Variants in UBE2E2 observed in about 807,000 individuals in gnomAD.
UBE2E2 encodes the protein ubiquitin conjugating enzyme E2 E2.
In UBE2E2, 6 loss-of-function variants were observed where a neutral mutation model predicts 24.7. That is an observed-to-expected ratio of 0.24 (90% CI 0.13 to 0.48). The LOEUF is 0.48. Ranked by LOEUF, UBE2E2 falls within the 20% of genes least tolerant of loss-of-function variation. The pLI is 0.99. For synonymous variants in UBE2E2, 104 were observed against 83.6 expected, an observed-to-expected ratio of 1.24 and a Z score of -1.33; for missense variants, 169 against 245.0, an observed-to-expected ratio of 0.69 and a Z score of 2.07.
rs1485662271 is a variant in UBE2E2, at chr3:23,590,339, C to G, written c.*508C>G. The G allele has an allele frequency of 2.0e-5, 3 of 153,518 alleles. No individual in the cohort carries two copies. The highest frequency in any genetic ancestry group is 7.2e-5 in the African/African-American group (3 of 41,398). The allele number at this position is 153,518 out of a possible 1,614,324, so 9.5% of individuals were successfully genotyped here. A position where few individuals can be genotyped will look rare whatever the true frequency, so the allele number is the denominator to read the frequency against. On this transcript the variant is annotated 3_prime_UTR_variant, in exon 6 of 6. Transcript: ENST00000396703. ...AGTCTTTATTGGTGGGTGCATGCTA[C>G]TGGGAACAAGTTTTTGTACAAAAGC...
intron 3 of UBE2E2, among the ~76,000 whole-genome samples, chr3:23,439,320 A>G (rs1315345617): frequency 6.6e-6 from 1 of 152,236 alleles, no homozygotes; most frequent in Non-Finnish European, 1.5e-5. Flanking sequence ...TTACTGGCAG[A>G]TGCCAGGAAT....
At chr3:23,309,705 G>T (rs922157091) in intron 3 of UBE2E2, among the ~76,000 whole-genome samples, 1 of 152,150 alleles carries the variant, frequency 6.6e-6, no homozygotes, top group Non-Finnish European at 1.5e-5. Flanking sequence ...GAAAAAAGAT[G>T]TCTGCTGAAT....
intron 3 of UBE2E2, among the ~76,000 whole-genome samples, chr3:23,401,225 G>A (rs973707680): frequency 2.0e-5 from 3 of 152,222 alleles, no homozygotes; most frequent in African/African-American, 7.2e-5. Flanking sequence ...GAAGCTAGTA[G>A]AGTATGGTGA....
At chr3:23,353,810 T>C (rs1246864643) in intron 3 of UBE2E2, among the ~76,000 whole-genome samples, 25 of 137,760 alleles carry the variant, frequency 1.8e-4, no homozygotes, top group Middle Eastern at 3.8e-3. Context: ...GGCCATACTG[T>C]CCAAGGTAAT....
At chr3:23,204,877 G>T in intron 1 of UBE2E2, 1 of 572,114 alleles carries the variant, frequency 1.7e-6, no homozygotes, top group Non-Finnish European at 2.2e-6. Flanking sequence ...TGTTATAAAA[G>T]CTTAAATGAA....
At chr3:23,238,731 A>T (rs1365748369) in intron 3 of UBE2E2, among the ~76,000 whole-genome samples, 1 of 152,154 alleles carries the variant, frequency 6.6e-6, no homozygotes, top group African/African-American at 2.4e-5. Context: ...TATGTTTCTT[A>T]CACACCTTAT....
In UBE2E2 at chr3:23,590,584, C is replaced by T. The variant is rs1316869731; in HGVS notation, c.*753C>T. The T allele has an allele frequency of 2.0e-5, 3 of 152,662 alleles. No homozygotes were observed. Among genetic ancestry groups the T allele is most frequent in the Admixed American group, 2.0e-4 (3 of 15,288 alleles). 9.5% of individuals were successfully genotyped at this position (152,662 alleles called of 1,614,324 possible). On this transcript the variant is annotated 3_prime_UTR_variant, in exon 6 of 6. Transcript: ENST00000396703. ...ATCACTGTGGCTGATAACTGCACTTCTGGTAACCCGACATTTGCTTTGTGT... is the reference window on the plus strand; with the variant it reads ...ATCACTGTGGCTGATAACTGCACTTTTGGTAACCCGACATTTGCTTTGTGT...
chr3:23,245,988 C>T (rs1229241668), intron 3 of UBE2E2, among the ~76,000 whole-genome samples: 1 of 152,162 alleles, frequency 6.6e-6, no homozygotes, highest in Non-Finnish European at 1.5e-5. Context: ...CAGGAGACTT[C>T]AGGTGAATAG....
At chr3:23,295,339 C>A (rs933774402) in intron 3 of UBE2E2, among the ~76,000 whole-genome samples, 2 of 151,730 alleles carry the variant, frequency 1.3e-5, no homozygotes, top group Non-Finnish European at 2.9e-5. Flanking sequence ...TCTTTTCATG[C>A]CTCAAAGTAT....
intron 3 of UBE2E2, among the ~76,000 whole-genome samples, chr3:23,254,784 A>G (rs1697668932): frequency 6.6e-6 from 1 of 152,152 alleles, no homozygotes; most frequent in South Asian, 2.1e-4. Context: ...ATAAGTAGAA[A>G]TTAGAAGAGA....
chr3:23,323,886 AT>A (rs1458328993), intron 3 of UBE2E2, among the ~76,000 whole-genome samples: 1 of 152,118 alleles, frequency 6.6e-6, no homozygotes, highest in East Asian at 1.9e-4. Flanking sequence ...TCATGCCATG[AT>A]TGATTATTGA....
chr3:23,563,613 T>C (rs1695990779), intron 5 of UBE2E2, among the ~76,000 whole-genome samples: 1 of 152,086 alleles, frequency 6.6e-6, no homozygotes, highest in African/African-American at 2.4e-5. Flanking sequence ...AGTCATGTTA[T>C]TTTCTTTGAT....
At chr3:23,557,122 A>G (rs1695809282) in intron 5 of UBE2E2, among the ~76,000 whole-genome samples, 1 of 152,214 alleles carries the variant, frequency 6.6e-6, no homozygotes, top group Admixed American at 6.5e-5. Flanking sequence ...TAAGATAATT[A>G]TTTATCCAAT....
At chr3:23,431,832 T>G (rs1330786391) in intron 3 of UBE2E2, among the ~76,000 whole-genome samples, 1 of 152,178 alleles carries the variant, frequency 6.6e-6, no homozygotes, top group Admixed American at 6.5e-5. Flanking sequence ...CCTTAATATT[T>G]AGGGGTTAAA....
At chr3:23,226,684 T>C (rs550493874) in intron 3 of UBE2E2, among the ~76,000 whole-genome samples, 4 of 152,300 alleles carry the variant, frequency 2.6e-5, no homozygotes, top group African/African-American at 4.8e-5. Flanking sequence ...ATAGTTATTC[T>C]TGGGACAGTG....
At chr3:23,282,564 T>G (rs373950469) in intron 3 of UBE2E2, among the ~76,000 whole-genome samples, 3 of 152,226 alleles carry the variant, frequency 2.0e-5, no homozygotes, top group East Asian at 1.9e-4. Flanking sequence ...AAAATTGCTT[T>G]GTATGCTTTA....
chr3:23,435,299 A>AT (rs1399112071), intron 3 of UBE2E2, among the ~76,000 whole-genome samples: 2 of 152,244 alleles, frequency 1.3e-5, no homozygotes. Context: ...ACTGCTAGAG[A>AT]TAATACTTAA....
intron 3 of UBE2E2, among the ~76,000 whole-genome samples, chr3:23,267,381 T>C (rs924843062): frequency 5.3e-5 from 8 of 152,168 alleles, no homozygotes; most frequent in African/African-American, 1.9e-4. Context: ...ATGTCACCAC[T>C]GATCCCACAG....
At chr3:23,332,569 T>C (rs1695086262) in intron 3 of UBE2E2, among the ~76,000 whole-genome samples, 1 of 152,132 alleles carries the variant, frequency 6.6e-6, no homozygotes, top group South Asian at 2.1e-4. Flanking sequence ...GAAAAGTTAA[T>C]AGGATTTATG....
Sources: allele counts gnomAD v4.1 joint callset (sites outside exome capture counted in the v4.1 genomes callset), GRCh38; gene constraint gnomAD v4.1.1; transcripts MANE v1.5; gene names NCBI Gene and HGNC (gene_info 2026-07-23, HGNC 2026-07-21).